The following TMC1 variants were observed in gnomAD, a reference collection of about 807,000 sequenced individuals.
TMC1 encodes the protein transmembrane channel like 1.
In TMC1, 84 loss-of-function variants were observed where a neutral mutation model predicts 105.8. That is an observed-to-expected ratio of 0.79 (90% CI 0.67 to 0.95). TMC1 has a LOEUF of 0.95. TMC1 is among the 40% of genes least tolerant of loss of function. The pLI, the probability that TMC1 is intolerant of heterozygous loss-of-function variation, is 0.00. For missense variants in TMC1, 817 were observed against 914.1 expected, an observed-to-expected ratio of 0.89 and a Z score of 1.37; for synonymous variants, 315 against 311.5, an observed-to-expected ratio of 1.01 and a Z score of -0.12.
chr9:72,612,908 A>C (rs1044970664), intron 2 of TMC1, among the ~76,000 whole-genome samples: 8 of 152,278 alleles, frequency 5.3e-5, no homozygotes, highest in Middle Eastern at 3.4e-3. Context: ...ACCCTGCCCA[A>C]AATATCAATA....
At chr9:72,594,194 G>A (rs1034356451) in intron 2 of TMC1, among the ~76,000 whole-genome samples, 1 of 152,200 alleles carries the variant, frequency 6.6e-6, no homozygotes, top group Admixed American at 6.5e-5. Context: ...TGAGACAGCA[G>A]AAGACCTGAA....
chr9:72,702,338 C>G (rs1374486577), intron 8 of TMC1, among the ~76,000 whole-genome samples: 3 of 152,110 alleles, frequency 2.0e-5, no homozygotes, highest in South Asian at 4.1e-4. Context: ...GTGGAGGAGA[C>G]AGCAGCTTCA....
intron 13 of TMC1, among the ~76,000 whole-genome samples, chr9:72,786,422 C>T (rs983307265): frequency 3.9e-5 from 6 of 151,952 alleles, no homozygotes; most frequent in Admixed American, 1.3e-4. Flanking sequence ...CTAGCCTGGG[C>T]GACAGAGAAG....
intron 3 of TMC1, among the ~76,000 whole-genome samples, chr9:72,627,154 C>A (rs1681026384): frequency 1.3e-5 from 2 of 151,728 alleles, no homozygotes; most frequent in African/African-American, 4.8e-5. Flanking sequence ...TCCATTGGTG[C>A]CTTGTAATTA....
At chr9:72,570,230 AGTGTGT>A (rs3223165) in intron 1 of TMC1, among the ~76,000 whole-genome samples, 26 of 145,712 alleles carry the variant, frequency 1.8e-4, no homozygotes, top group South Asian at 2.2e-4. Flanking sequence ...CTCAAAGAGT[AGTGTGT>A]GTGTGTGTGT....
rs568911684 is a variant in TMC1, at chr9:72,719,551, C to T, written c.362+18908C>T. On this transcript the variant is annotated intron_variant, in intron 8 of 23. Transcript: ENST00000297784. ...CACTCACAGTATTTGGGCTGTCTCCCAAGTCCTGCAGGAGCAACCTGTTTC... is the reference window on the plus strand; with the variant it reads ...CACTCACAGTATTTGGGCTGTCTCCTAAGTCCTGCAGGAGCAACCTGTTTC... Among the ~76,000 whole-genome samples the T allele has an allele frequency of 2.0e-5, 3 of 152,342 alleles. No individual in the cohort carries two copies. In the South Asian group the frequency reaches 6.2e-4, roughly 32 times the overall value.
At chr9:72,694,514 T>A (rs1826516950) in intron 6 of TMC1, 29 bp from the exon 7 acceptor site, 1 of 1,606,980 alleles carries the variant, frequency 6.2e-7, no homozygotes, top group Non-Finnish European at 8.5e-7. Flanking sequence ...CTTTCTGACA[T>A]TACTCATTGA....
intron 9 of TMC1, chr9:72,741,160 C>T: frequency 1.3e-5 from 2 of 159,512 alleles, no homozygotes; most frequent in Non-Finnish European, 2.7e-5. Context: ...AATTACTTGT[C>T]TTCTGGTTTG....
At chr9:72,791,822 TG>T in intron 15 of TMC1, 63 bp from the exon 16 acceptor site, 1 of 1,440,154 alleles carries the variant, frequency 6.9e-7, no homozygotes. Flanking sequence ...TCCAAAATTC[TG>T]GCAAAAAGCA....
intron 5 of TMC1, among the ~76,000 whole-genome samples, chr9:72,681,928 G>C (rs1407395512): frequency 6.6e-6 from 1 of 151,958 alleles, no homozygotes; most frequent in African/African-American, 2.4e-5. Flanking sequence ...GACATCAGCA[G>C]CTATTTATTT....
chr9:72,733,956 C>G (rs1827256929), intron 8 of TMC1, among the ~76,000 whole-genome samples: 1 of 151,982 alleles, frequency 6.6e-6, no homozygotes, highest in Non-Finnish European at 1.5e-5. Flanking sequence ...TAAACTTATG[C>G]TTTGGGGGCA....
chr9:72,685,069 T>C (rs1438106210), intron 5 of TMC1, among the ~76,000 whole-genome samples: 2 of 149,926 alleles, frequency 1.3e-5, no homozygotes, highest in African/African-American at 4.9e-5. Flanking sequence ...AACCCATACA[T>C]AATCTCAAAC....
intron 3 of TMC1, among the ~76,000 whole-genome samples, chr9:72,619,140 T>C (rs1470547704): frequency 6.6e-6 from 1 of 152,154 alleles, no homozygotes; most frequent in African/African-American, 2.4e-5. Flanking sequence ...CTATAGTAAT[T>C]GTATCAAAAG....
chr9:72,753,012 A>G (rs1424269552), intron 11 of TMC1, among the ~76,000 whole-genome samples: 2 of 152,186 alleles, frequency 1.3e-5, no homozygotes, highest in African/African-American at 4.8e-5. Context: ...GGAGTCACAT[A>G]ATGCTGATGT....
Position 72,627,898 on chromosome 9 carries a change from AT to A in TMC1, c.-195-11del, listed in dbSNP as rs36038786. 0.27 allele frequency: 89,137 copies of A among 330,280 alleles called. 7,012 individuals carry two copies. Among genetic ancestry groups the A allele is most frequent in the East Asian group, 0.4 (4,775 of 12,064 alleles). 20.5% of individuals were successfully genotyped at this position (330,280 alleles called of 1,614,324 possible). ...TATTATTTTTAAAAATCTGTATTGG[AT>A]TTTTTTTTTTTCATATTTTAGGATG... On this transcript the variant is annotated intron_variant, in intron 3 of 23. Transcript: ENST00000297784.
Position 72,835,933 on chromosome 9 carries a change from T to TTTTA in TMC1, c.2261-16_2261-15insTATT. 1 of 1,577,474 alleles carries TTTTA rather than the reference T, an allele frequency of 6.3e-7. No individual in the cohort carries two copies. The highest frequency in any genetic ancestry group is 8.5e-7 in the Non-Finnish European group (1 of 1,170,174). On this transcript the variant is annotated splice_polypyrimidine_tract_variant and intron_variant, in intron 23 of 23. Transcript: ENST00000297784. Reference sequence around the variant, plus strand: ...TCTCCTTGTTTTTTTTTTTTTTTTTTTTCTGTTTTGTGAACAGCTGCAGCT... The same window carrying TTTTA: ...TCTCCTTGTTTTTTTTTTTTTTTTTTTTTATTCTGTTTTGTGAACAGCTGCAGCT...
chr9:72,613,474 G>A (rs569022289), intron 2 of TMC1, among the ~76,000 whole-genome samples: 1 of 152,230 alleles, frequency 6.6e-6, no homozygotes, highest in East Asian at 1.9e-4. Flanking sequence ...CAAGTCGTTA[G>A]TCATATTAAT....
chr9:72,825,505 A>G (rs1043688501), intron 20 of TMC1, among the ~76,000 whole-genome samples: 7 of 152,212 alleles, frequency 4.6e-5, no homozygotes, highest in Non-Finnish European at 7.3e-5. Flanking sequence ...AGGAATCCCC[A>G]GGGACTTAGC....
intron 8 of TMC1, among the ~76,000 whole-genome samples, chr9:72,726,146 A>T (rs1433812475): frequency 1.3e-5 from 2 of 152,212 alleles, no homozygotes; most frequent in Non-Finnish European, 2.9e-5. Flanking sequence ...TTACATTTCA[A>T]ATATAAGGGG....
Sources: allele counts gnomAD v4.1 joint callset (sites outside exome capture counted in the v4.1 genomes callset), GRCh38; gene constraint gnomAD v4.1.1; transcripts MANE v1.5; gene names NCBI Gene and HGNC (gene_info 2026-07-23, HGNC 2026-07-21).